The following LRRC37A variants were observed in gnomAD, a reference collection of about 807,000 sequenced individuals.
LRRC37A encodes the protein leucine-rich repeat-containing protein 37A.
Under a neutral mutation model 35.4 loss-of-function variants are expected in LRRC37A, and 3 were observed. That is an observed-to-expected ratio of 0.08 (90% CI 0.04 to 0.22). The LOEUF (loss-of-function observed/expected upper bound fraction) is 0.22. Among genes scored for constraint, LRRC37A ranks in the 10% least tolerant of loss-of-function variants. The pLI is 1.00. For missense variants in LRRC37A, 67 were observed against 565.3 expected (o/e 0.12, Z 8.94); for synonymous variants, 23 against 215.0 (o/e 0.11, Z 7.81).
the LRRC37A span, among the ~76,000 whole-genome samples, chr17:46,273,901 G>T: frequency 6.6e-6 from 1 of 152,258 alleles, no homozygotes; most frequent in Non-Finnish European, 1.5e-5. Context: ...GTAGCTGTCT[G>T]TAATTGGTAA....
chr17:46,265,984 C>T, the LRRC37A span, among the ~76,000 whole-genome samples: 1 of 152,196 alleles, frequency 6.6e-6, no homozygotes, highest in African/African-American at 2.4e-5. Context: ...GTAATCCCAG[C>T]TACTTGGGAG....
chr17:46,276,790 CTTTTTTTT>C, the LRRC37A span, among the ~76,000 whole-genome samples: 9 of 134,316 alleles, frequency 6.7e-5, no homozygotes, highest in East Asian at 1.3e-3. Context: ...TTCTTTTTTT[CTTTTTTTT>C]TTTTTTTTTG....
the LRRC37A span, among the ~76,000 whole-genome samples, chr17:46,285,390 G>A: frequency 7.2e-5 from 11 of 151,918 alleles, no homozygotes; most frequent in African/African-American, 2.2e-4. Flanking sequence ...ACAGGCTCAC[G>A]CCACCACACC....
the LRRC37A span, among the ~76,000 whole-genome samples, chr17:46,258,499 A>G: frequency 0.13 from 19,499 of 150,906 alleles, 172 homozygotes; most frequent in Middle Eastern, 0.2. Context: ...GTGAGCCACC[A>G]CGCCTGGCCG....
At chr17:46,252,545 G>A in the LRRC37A span, among the ~76,000 whole-genome samples, 1 of 148,828 alleles carries the variant, frequency 6.7e-6, no homozygotes, top group African/African-American at 2.4e-5. Flanking sequence ...TGTGTCCCTG[G>A]GTACTTGAGA....
intron 11 of LRRC37A, 26 bp downstream of exon 11, chr17:46,335,620 T>G: frequency 5.5e-6 from 1 of 181,574 alleles, no homozygotes; most frequent in African/African-American, 1.8e-5. Context: ...GTGATTTTTT[T>G]TTTCTTCTCT....
At chr17:46,260,867 C>T in the LRRC37A span, among the ~76,000 whole-genome samples, 67 of 152,322 alleles carry the variant, frequency 4.4e-4, no homozygotes, top group Middle Eastern at 3.4e-3. Flanking sequence ...AGGTGATCCA[C>T]CCACCTCGGC....
At chr17:46,278,439 C>T in the LRRC37A span, among the ~76,000 whole-genome samples, 1 of 149,182 alleles carries the variant, frequency 6.7e-6, no homozygotes, top group South Asian at 2.1e-4. Flanking sequence ...GAGTCTTGCT[C>T]TGTCACCCAG....
the LRRC37A span, among the ~76,000 whole-genome samples, chr17:46,263,550 C>CAAAAAAAAAAAAA: frequency 3.1e-5 from 2 of 63,632 alleles, 1 homozygote; most frequent in Non-Finnish European, 5.2e-5. Context: ...GACTCTGTCT[C>CAAAAAAAAAAAAA]AAAAAAAAAA....
At chr17:46,292,185 G>A (rs572990254), upstream of LRRC37A, among the ~76,000 whole-genome samples, 2 of 78,364 alleles carry the variant, frequency 2.6e-5, no homozygotes, top group Non-Finnish European at 3.8e-5. Flanking sequence ...TACAAAAATT[G>A]GCTGGGTGTG....
At chr17:46,265,138 G>A in the LRRC37A span, among the ~76,000 whole-genome samples, 4 of 152,220 alleles carry the variant, frequency 2.6e-5, no homozygotes, top group African/African-American at 9.6e-5. Flanking sequence ...GGAGGGAGAA[G>A]ATAATTCATT....
the LRRC37A span, among the ~76,000 whole-genome samples, chr17:46,267,893 CT>C: frequency 0.079 from 6,999 of 88,510 alleles, 351 homozygotes; most frequent in African/African-American, 0.15. Context: ...ACTCCCACAT[CT>C]TTTTTTTTTT....
intron 7 of LRRC37A, among the ~76,000 whole-genome samples, chr17:46,324,445 TC>T (rs1441112720): frequency 1.2e-5 from 1 of 80,210 alleles, no homozygotes; most frequent in African/African-American, 3.3e-5. Flanking sequence ...CTATGTCTTC[TC>T]CCAGAAATGA....
At chr17:46,270,152 T>C in the LRRC37A span, among the ~76,000 whole-genome samples, 1 of 152,196 alleles carries the variant, frequency 6.6e-6, no homozygotes, top group Non-Finnish European at 1.5e-5. Flanking sequence ...GGAAGGAATT[T>C]CACTGGAGAG....
At chr17:46,304,637 A>T (rs1323609775) in intron 3 of LRRC37A, among the ~76,000 whole-genome samples, 4 of 66,372 alleles carry the variant, frequency 6.0e-5, no homozygotes, top group African/African-American at 1.5e-4. Flanking sequence ...AACTGAAGAA[A>T]TTTTTTTTTA....
intron 3 of LRRC37A, among the ~76,000 whole-genome samples, chr17:46,304,954 C>T (rs1333008784): frequency 2.9e-5 from 2 of 68,318 alleles, no homozygotes; most frequent in African/African-American, 6.8e-5. Context: ...CTGCAAGGTC[C>T]GCCTCCTGGG....
chr17:46,267,322 G>A, the LRRC37A span: 4 of 1,443,692 alleles, frequency 2.8e-6, no homozygotes, highest in East Asian at 1.0e-4. Flanking sequence ...TTTGGAAGCA[G>A]CGATGAACGG....
chr17:46,254,822 G>GTT, the LRRC37A span, among the ~76,000 whole-genome samples: 1 of 151,462 alleles, frequency 6.6e-6, no homozygotes, highest in African/African-American at 2.4e-5. Context: ...GCAGACATAA[G>GTT]CCACCGCGCC....
chr17:46,292,102 AG>A (rs2050089112), upstream of LRRC37A, among the ~76,000 whole-genome samples: 1 of 142,578 alleles, frequency 7.0e-6, no homozygotes, highest in Non-Finnish European at 1.5e-5. Context: ...GAGGCTGAGG[AG>A]GGAGGATCAC....
Sources: allele counts gnomAD v4.1 joint callset (sites outside exome capture counted in the v4.1 genomes callset), GRCh38; gene constraint gnomAD v4.1.1; transcripts MANE v1.5; gene names NCBI Gene and HGNC (gene_info 2026-07-23, HGNC 2026-07-21).